Variants in HELT observed in about 807,000 individuals in gnomAD.
HELT encodes the protein helt bHLH transcription factor, also known as hairy and enhancer of split-related protein HELT.
In HELT, 9 loss-of-function variants were observed where a neutral mutation model predicts 19.5. The ratio of observed to expected loss-of-function variants is 0.46; its 90% CI spans 0.28 to 0.80. The LOEUF (loss-of-function observed/expected upper bound fraction) is 0.80, where lower values mean the gene tolerates loss of function less well. Ranked by LOEUF, HELT falls within the 30% of genes least tolerant of loss-of-function variation. The pLI, the probability that HELT is intolerant of heterozygous loss-of-function variation, is 0.12. For missense variants in HELT, 366 were observed against 326.3 expected (o/e 1.12, Z -0.94); for synonymous variants, 162 against 148.3 (o/e 1.09, Z -0.67).
At chr4:185,019,081 T>C in intron 1 of HELT, 126 bp downstream of exon 1, 4 of 1,610,620 alleles carry the variant, frequency 2.5e-6, no homozygotes, top group Non-Finnish European at 3.4e-6. Context: ...TGGAGGAATC[T>C]CGAGTGGTTT....
Position 185,019,909 on chromosome 4 carries a change from TGGGAG to T in HELT, c.229+72_229+76del, listed in dbSNP as rs143835347. 196 of 1,411,814 alleles carry T rather than the reference TGGGAG, an allele frequency of 1.4e-4. No individual in the cohort carries two copies. The African/African-American group carries it at 2.7e-3, about 20-fold the overall frequency. The allele number at this position is 1,411,814 out of a possible 1,614,324, so 87.5% of individuals were successfully genotyped here. ...CTGCGCCACCCAGAGACCCTGGGGC[TGGGAG>T]GGGAGTGACTGAGTGTTCCCGAGAG... On this transcript the variant is annotated intron_variant, in intron 3 of 3. Coordinates refer to ENST00000515777, the MANE Select transcript of HELT (RefSeq NM_001300781.2).
intron 3 of HELT, 26 bp downstream of exon 3, chr4:185,019,869 G>T (rs1286728432): frequency 6.9e-6 from 11 of 1,594,532 alleles, no homozygotes; most frequent in Non-Finnish European, 6.9e-6. Flanking sequence ...GGAATGGGAC[G>T]CCTGGGCCAG....
intron 3 of HELT, 122 bp from the exon 4 acceptor site, chr4:185,020,151 G>A (rs923920294): frequency 4.8e-5 from 67 of 1,385,992 alleles, no homozygotes; most frequent in Non-Finnish European, 6.2e-5. Flanking sequence ...AGGAGAGGGC[G>A]GGCCTCAAAT....
rs1197294349 is a variant in HELT, at chr4:185,020,256, C to A, written c.230-17C>A. The A allele has an allele frequency of 6.2e-7, 1 of 1,608,156 alleles. No homozygotes were observed. Among genetic ancestry groups the A allele is most frequent in the Non-Finnish European group, 8.5e-7 (1 of 1,176,022 alleles). On this transcript the variant is annotated splice_polypyrimidine_tract_variant and intron_variant, in intron 3 of 3. Coordinates refer to ENST00000515777, the MANE Select transcript of HELT (RefSeq NM_001300781.2). ...ACTCAGGGTGTGTCCGTCCTACGGG[C>A]TTTCTCGTTCCTCCAGCAGAACTTC...
chr4:185,020,271 A>G lies in HELT; in HGVS notation c.230-2A>G, dbSNP rs1734031917. 6.2e-7 allele frequency: 1 copy of G among 1,611,808 alleles called. No individual in the cohort carries two copies. Among genetic ancestry groups the G allele is most frequent in the African/African-American group, 1.3e-5 (1 of 75,030 alleles). ...GTCCTACGGGCTTTCTCGTTCCTCC[A>G]GCAGAACTTCTAGCGGAGTTTGCCA... On this transcript the variant is annotated splice_acceptor_variant, in intron 3 of 3. Transcript: ENST00000515777. LOFTEE classifies it high-confidence loss of function.
chr4:185,019,829 G>C lies in HELT; in HGVS notation c.215G>C (p.Arg72Pro), dbSNP rs1039086977. ...GCACTGCACTCCGCTGATTTTCCCC[G>C]GGGAAGGGAAAAAGGTGGGCACAGG... ...LRALHSADFP[R>P]GREKAELLAE... The change falls in exon 3 of 4, where the codon CGG becomes CCG. Residue 72 changes from arginine (R) to proline (P), a missense_variant. Physicochemically the swap from Arg to Pro is moderately radical, Grantham distance 103 (BLOSUM62 -2). Transcript: ENST00000515777. 6.2e-7 allele frequency: 1 copy of C among 1,613,370 alleles called. No individual in the cohort carries two copies. Among genetic ancestry groups the C allele is most frequent in the Non-Finnish European group, 8.5e-7 (1 of 1,179,818 alleles).
chr4:185,018,964 G>C lies in HELT; in HGVS notation c.27+9G>C, dbSNP rs770208521. ...AGCTCAAGGAACGCAAAGTGAGTCG[G>C]CTGAGCCCAAATGGCACTTGCGCCC... On this transcript the variant is annotated intron_variant, in intron 1 of 3. Coordinates refer to ENST00000515777, the MANE Select transcript of HELT (RefSeq NM_001300781.2). 1 of 1,613,198 alleles carries C rather than the reference G, an allele frequency of 6.2e-7. No homozygotes were observed. The highest frequency in any genetic ancestry group is 1.1e-5 in the South Asian group (1 of 90,950).
chr4:185,020,528 G>A lies in HELT; in HGVS notation c.485G>A (p.Gly162Asp), dbSNP rs184401555. Residue 162 changes from glycine (G) to aspartate (D), a missense_variant, in exon 4 of 4, where the codon GGC becomes GAC. Gly to Asp is a moderately conservative substitution (Grantham distance 94). Coordinates refer to ENST00000515777, the MANE Select transcript of HELT (RefSeq NM_001300781.2). ...CCCGAATTCGCTGGTCACAGCCCGGGCGAGGCCGCTGTGTTCCCGCAGGGC... is the reference window on the plus strand; with the variant it reads ...CCCGAATTCGCTGGTCACAGCCCGGACGAGGCCGCTGTGTTCCCGCAGGGC... ...AGPEFAGHSPGEAAVFPQGSG... is the reference protein window; with the variant it reads ...AGPEFAGHSPDEAAVFPQGSG... 126 of 1,609,464 alleles carry A rather than the reference G, an allele frequency of 7.8e-5. No homozygotes were observed. The African/African-American group carries it at 1.5e-3, about 20-fold the overall frequency.
At position 185,018,499 on chromosome 4, in the gene HELT, T is replaced by C. The variant is rs1461003864; in HGVS notation, c.-430T>C. The stretch of plus-strand genomic sequence containing the variant: ...CCGGTGCCCGCGGCCGCTGCGCCCC[T>C]GCGCTCCGCGCCCGCGACTGCTGCA... On this transcript the variant is annotated 5_prime_UTR_variant, in exon 1 of 4. Transcript: ENST00000515777. 6.6e-6 allele frequency among the ~76,000 whole-genome samples: 1 copy of C among 151,926 alleles called. No homozygotes were observed. The highest frequency in any genetic ancestry group is 1.5e-5 in the Non-Finnish European group (1 of 67,940).
chr4:185,019,344 T>C (rs556666578), intron 1 of HELT, 43 bp from the exon 2 acceptor site: 2 of 1,527,034 alleles, frequency 1.3e-6, no homozygotes, highest in African/African-American at 1.4e-5. Flanking sequence ...TTTGACGACT[T>C]CCCGGGCAAA....
intron 1 of HELT, 103 bp downstream of exon 1, chr4:185,019,058 G>C (rs758334326): frequency 6.2e-7 from 1 of 1,613,570 alleles, no homozygotes; most frequent in Admixed American, 1.7e-5. Flanking sequence ...GTGCCCGCAC[G>C]GGACTTTGAG....
At position 185,020,870 on chromosome 4, in the gene HELT, A is replaced by C; in HGVS notation, c.*98A>C. The C allele has an allele frequency of 8.1e-6, 11 of 1,364,952 alleles. No individual in the cohort carries two copies. Among genetic ancestry groups the C allele is most frequent in the African/African-American group, 3.0e-5 (2 of 65,836 alleles). The allele number at this position is 1,364,952 out of a possible 1,614,324, so 84.6% of individuals were successfully genotyped here. Reference sequence around the variant, plus strand: ...AATGTGTAAATATTGTACCCCAAAAATCTGGGCTGGGGGAGGCAAAGAGCG... The same window carrying C: ...AATGTGTAAATATTGTACCCCAAAACTCTGGGCTGGGGGAGGCAAAGAGCG... On this transcript the variant is annotated 3_prime_UTR_variant, in exon 4 of 4. Coordinates refer to ENST00000515777, the MANE Select transcript of HELT (RefSeq NM_001300781.2).
chr4:185,019,666 C>T, intron 2 of HELT, 81 bp from the exon 3 acceptor site: 1 of 1,609,882 alleles, frequency 6.2e-7, no homozygotes, highest in Admixed American at 1.7e-5. Context: ...CAGCCGCGTC[C>T]GCTCGCTGGT....
rs1248298093 is a variant in HELT at position 185,018,512 on chromosome 4, C to G, written c.-417C>G. On this transcript the variant is annotated 5_prime_UTR_variant, in exon 1 of 4. Coordinates refer to ENST00000515777, the MANE Select transcript of HELT (RefSeq NM_001300781.2). ...CCGCTGCGCCCCTGCGCTCCGCGCC[C>G]GCGACTGCTGCAGGCGCTTGCTCGC... 6.6e-6 allele frequency among the ~76,000 whole-genome samples: 1 copy of G among 152,078 alleles called. No homozygotes were observed. Among genetic ancestry groups the G allele is most frequent in the Non-Finnish European group, 1.5e-5 (1 of 68,000 alleles).
At position 185,020,597 on chromosome 4, in the gene HELT, G is replaced by C. The variant is rs765002982; in HGVS notation, c.554G>C (p.Ser185Thr). ...CCCTGGCCGCCTGGCGCGGCCCGCA[G>C]CCCCGCGCTGCCCTACCTGCCCAGC... ...PFPWPPGAAR[S>T]PALPYLPSAP... Residue 185 changes from serine to threonine, a missense_variant, in exon 4 of 4, where the codon AGC (serine) becomes ACC (threonine). Physicochemically the swap from Ser to Thr is moderately conservative, Grantham distance 58 (BLOSUM62 1). Coordinates refer to ENST00000515777, the MANE Select transcript of HELT (RefSeq NM_001300781.2). 4 of 1,595,176 alleles carry C rather than the reference G, an allele frequency of 2.5e-6. No individual in the cohort carries two copies. Among genetic ancestry groups the C allele is most frequent in the Admixed American group, 1.7e-5 (1 of 58,800 alleles).
chr4:185,019,378 T>C lies in HELT; in HGVS notation c.28-9T>C. 6.2e-7 allele frequency: 1 copy of C among 1,605,292 alleles called. No homozygotes were observed. The highest frequency in any genetic ancestry group is 8.5e-7 in the Non-Finnish European group (1 of 1,174,874). On this transcript the variant is annotated splice_polypyrimidine_tract_variant and intron_variant, in intron 1 of 3. Transcript: ENST00000515777. Reference sequence around the variant, plus strand: ...AAGCCATCCTAAACATACAACCCTCTCTTCGCAGAGAACCCCCGTTTCTCA... The same window carrying C: ...AAGCCATCCTAAACATACAACCCTCCCTTCGCAGAGAACCCCCGTTTCTCA...
At chr4:185,019,328 C>T (rs1263982848) in intron 1 of HELT, 59 bp from the exon 2 acceptor site, 2 of 1,419,668 alleles carry the variant, frequency 1.4e-6, no homozygotes, top group African/African-American at 1.4e-5. Context: ...CTGCTAGAGC[C>T]GCGCCTTTGA....
chr4:185,020,943 A>G lies in HELT; in HGVS notation c.*171A>G, dbSNP rs1456524797. ...CCCCTGGTAATAAACGTTTTCTGAT[A>G]AAGACCCAAAGAGAGGGATTTATGT... On this transcript the variant is annotated 3_prime_UTR_variant, in exon 4 of 4. Coordinates refer to ENST00000515777, the MANE Select transcript of HELT (RefSeq NM_001300781.2). 2.5e-6 allele frequency: 2 copies of G among 796,340 alleles called. No individual in the cohort carries two copies. Among genetic ancestry groups the G allele is most frequent in the East Asian group, 3.1e-5 (1 of 31,892 alleles). 49.3% of individuals were successfully genotyped at this position (796,340 alleles called of 1,614,324 possible).
intron 1 of HELT, 127 bp downstream of exon 1, chr4:185,019,082 C>G: frequency 6.2e-7 from 1 of 1,610,284 alleles, no homozygotes; most frequent in Non-Finnish European, 8.5e-7. Flanking sequence ...GGAGGAATCT[C>G]GAGTGGTTTG....
Sources: allele counts gnomAD v4.1 joint callset (sites outside exome capture counted in the v4.1 genomes callset), GRCh38; gene constraint gnomAD v4.1.1; transcripts MANE v1.5; gene names NCBI Gene and HGNC (gene_info 2026-07-23, HGNC 2026-07-21).